Variants in ANKRD44 observed in about 807,000 individuals in gnomAD.
ANKRD44 encodes the protein serine/threonine-protein phosphatase 6 regulatory ankyrin repeat subunit B.
ANKRD44 carries 35 observed loss-of-function variants against 116.0 expected under a neutral mutation model. The ratio of observed to expected loss-of-function variants is 0.30; its 90% confidence interval spans 0.23 to 0.40. ANKRD44 has a LOEUF of 0.40. Ranked by LOEUF, ANKRD44 falls within the 10% of genes least tolerant of loss-of-function variation. The pLI is 1.00. For missense variants in ANKRD44, 1,014 were observed against 1,242.6 expected, an observed-to-expected ratio of 0.82 and a Z score of 2.77; for synonymous variants, 435 against 461.8, an observed-to-expected ratio of 0.94 and a Z score of 0.74.
At chr2:197,105,642 G>A (rs73051331) in intron 9 of ANKRD44, among the ~76,000 whole-genome samples, 8,375 of 152,188 alleles carry the variant, frequency 0.055, 454 homozygotes, top group African/African-American at 0.13. Flanking sequence ...TTATAATCAG[G>A]AAAAATAATA....
At chr2:197,062,748 C>T (rs182313107) in intron 16 of ANKRD44, among the ~76,000 whole-genome samples, 2 of 152,356 alleles carry the variant, frequency 1.3e-5, no homozygotes, top group East Asian at 3.9e-4. Flanking sequence ...GATTGAACTG[C>T]AAGGTGGCAG....
intron 1 of ANKRD44, among the ~76,000 whole-genome samples, chr2:197,219,508 T>C (rs2081535798): frequency 6.6e-6 from 1 of 152,176 alleles, no homozygotes; most frequent in African/African-American, 2.4e-5. Flanking sequence ...GGGATTTCTG[T>C]TACTTGCGTC....
At chr2:196,971,848 A>G (rs1443304440) in intron 21 of ANKRD44, among the ~76,000 whole-genome samples, 1 of 152,170 alleles carries the variant, frequency 6.6e-6, no homozygotes, top group African/African-American at 2.4e-5. Flanking sequence ...ATCCAATTGT[A>G]GTCTGTGACC....
At chr2:196,996,679 C>T (rs180977922) in intron 25 of ANKRD44, among the ~76,000 whole-genome samples, 268 of 151,920 alleles carry the variant, frequency 1.8e-3, no homozygotes, top group African/African-American at 5.9e-3. Flanking sequence ...CCAAGGCGGG[C>T]GGATCACGAG....
At chr2:197,192,902 T>A (rs1438445752) in intron 1 of ANKRD44, among the ~76,000 whole-genome samples, 1 of 152,142 alleles carries the variant, frequency 6.6e-6, no homozygotes, top group Non-Finnish European at 1.5e-5. Flanking sequence ...TTTTAAAAAA[T>A]CAGGGAGTGA....
At chr2:197,278,762 C>T (rs926268282) in intron 1 of ANKRD44, among the ~76,000 whole-genome samples, 26 of 152,246 alleles carry the variant, frequency 1.7e-4, no homozygotes, top group Admixed American at 6.5e-5. Flanking sequence ...TCCCCACCAC[C>T]CCTTTCCTTT....
intron 21 of ANKRD44, among the ~76,000 whole-genome samples, chr2:196,972,210 A>G (rs1384339811): frequency 6.6e-6 from 1 of 151,936 alleles, no homozygotes; most frequent in Non-Finnish European, 1.5e-5. Context: ...ATTTTATTTT[A>G]TATTATTTTT....
intron 16 of ANKRD44, chr2:197,028,802 C>A: frequency 4.6e-6 from 1 of 215,496 alleles, no homozygotes; most frequent in Admixed American, 5.8e-5. Flanking sequence ...GCCTTTTTTC[C>A]CACCAGAGGT....
At chr2:197,178,141 T>C (rs1362395229) in intron 2 of ANKRD44, among the ~76,000 whole-genome samples, 1 of 152,148 alleles carries the variant, frequency 6.6e-6, no homozygotes, top group Non-Finnish European at 1.5e-5. Context: ...GTGGTTGGGA[T>C]TTGATTTTCA....
chr2:197,097,531 C>A (rs1364043959), intron 10 of ANKRD44, among the ~76,000 whole-genome samples: 1 of 152,130 alleles, frequency 6.6e-6, no homozygotes, highest in Admixed American at 6.5e-5. Context: ...TTAAAAAGTT[C>A]TTTTGGCTCA....
chr2:197,251,635 C>T (rs1365674176), intron 1 of ANKRD44, among the ~76,000 whole-genome samples: 1 of 152,166 alleles, frequency 6.6e-6, no homozygotes, highest in Admixed American at 6.5e-5. Flanking sequence ...AGTATTTCCT[C>T]CTTTGAAAAA....
intron 16 of ANKRD44, among the ~76,000 whole-genome samples, chr2:197,065,960 A>T (rs145453428): frequency 0.04 from 6,031 of 152,284 alleles, 155 homozygotes; most frequent in Middle Eastern, 0.078. Flanking sequence ...TCATCCTGAT[A>T]CCAAAGCCTG....
At chr2:196,991,709 T>A (rs1264051819) in intron 27 of ANKRD44, among the ~76,000 whole-genome samples, 1 of 151,864 alleles carries the variant, frequency 6.6e-6, no homozygotes, top group African/African-American at 2.4e-5. Context: ...GCCTCCCGAG[T>A]AGCTGGGACT....
intron 21 of ANKRD44, among the ~76,000 whole-genome samples, chr2:196,974,665 A>G (rs1165906341): frequency 3.3e-5 from 5 of 152,082 alleles, no homozygotes; most frequent in Non-Finnish European, 7.4e-5. Flanking sequence ...CAAGGCAGGC[A>G]GATCACCTGA....
intron 16 of ANKRD44, among the ~76,000 whole-genome samples, chr2:197,027,182 G>A (rs780782307): frequency 4.6e-5 from 7 of 152,052 alleles, no homozygotes; most frequent in South Asian, 2.1e-4. Context: ...GCAAGATGGC[G>A]AAACCCCATC....
In ANKRD44 at chr2:197,147,123, A is replaced by G; in HGVS notation, c.112-18T>C. 1 of 1,612,068 alleles carries G rather than the reference A, an allele frequency of 6.2e-7. No homozygotes were observed. Reference sequence around the variant, plus strand: ...TCAGAATCCTGAAATACACAACGTCAAAGACATACAACAGGTCAGTGGCAG... The same window carrying G: ...TCAGAATCCTGAAATACACAACGTCGAAGACATACAACAGGTCAGTGGCAG... On this transcript the variant is annotated intron_variant, in intron 2 of 27. Transcript: ENST00000282272.
chr2:197,200,442 T>A (rs2081067515), intron 1 of ANKRD44, among the ~76,000 whole-genome samples: 1 of 152,132 alleles, frequency 6.6e-6, no homozygotes, highest in African/African-American at 2.4e-5. Context: ...TGTCCTGAGT[T>A]ACAGCATTTC....
chr2:197,021,908 A>G (rs2076505322), intron 17 of ANKRD44, among the ~76,000 whole-genome samples: 3 of 152,238 alleles, frequency 2.0e-5, no homozygotes, highest in Admixed American at 1.3e-4. Flanking sequence ...CATGAGAACA[A>G]TGGATCTGTC....
chr2:197,189,790 G>A (rs2080779352), intron 1 of ANKRD44, among the ~76,000 whole-genome samples: 2 of 152,258 alleles, frequency 1.3e-5, no homozygotes, highest in South Asian at 4.1e-4. Flanking sequence ...TAAGATTCCG[G>A]GGAACAAACC....
Sources: gnomAD v4.1 joint callset for allele counts (sites outside exome capture counted in the v4.1 genomes callset) on GRCh38, gnomAD v4.1.1 for gene constraint, MANE v1.5 for transcripts, NCBI Gene and HGNC (gene_info 2026-07-23, HGNC 2026-07-21) for gene names.